Variants in ATXN7L1 observed in about 807,000 individuals in gnomAD.
ATXN7L1 encodes ataxin 7 like 1.
In ATXN7L1, 15 loss-of-function variants were observed where a neutral mutation model predicts 70.8. That is an observed-to-expected ratio of 0.21 (90% CI 0.14 to 0.33). The LOEUF is 0.33. Among genes scored for constraint, ATXN7L1 ranks in the 10% least tolerant of loss-of-function variants. The probability of loss-of-function intolerance (pLI) is 1.00; values close to 1 mark genes in which losing one functional copy is unlikely to be tolerated. For missense variants in ATXN7L1, 975 were observed against 1,097.1 expected (o/e 0.89, Z 1.57); for synonymous variants, 440 against 445.1 (o/e 0.99, Z 0.14).
intron 2 of ATXN7L1, among the ~76,000 whole-genome samples, chr7:105,872,287 T>C (rs950923032): frequency 2.6e-5 from 4 of 152,306 alleles, no homozygotes; most frequent in Admixed American, 6.5e-5. Flanking sequence ...CCACCATGCC[T>C]GGCCAAACCA....
At chr7:105,864,810 T>G (rs1817170072) in intron 2 of ATXN7L1, among the ~76,000 whole-genome samples, 1 of 151,760 alleles carries the variant, frequency 6.6e-6, no homozygotes, top group South Asian at 2.1e-4. Context: ...ATTTTTGTAT[T>G]TTTTTTAGTA....
intron 7 of ATXN7L1, among the ~76,000 whole-genome samples, chr7:105,625,706 T>C (rs1436005002): frequency 1.3e-5 from 2 of 152,150 alleles, no homozygotes; most frequent in South Asian, 2.1e-4. Context: ...GTTAAGCTTA[T>C]AAAAAAGCAA....
At chr7:105,671,216 G>C (rs1248535308) in intron 3 of ATXN7L1, among the ~76,000 whole-genome samples, 2 of 150,704 alleles carry the variant, frequency 1.3e-5, no homozygotes, top group Non-Finnish European at 2.9e-5. Context: ...CCGGGAGGCG[G>C]AGGTTGCAGT....
At chr7:105,859,562 G>A (rs1816249098) in intron 2 of ATXN7L1, among the ~76,000 whole-genome samples, 1 of 151,948 alleles carries the variant, frequency 6.6e-6, no homozygotes, top group Non-Finnish European at 1.5e-5. Context: ...TTACCATTGT[G>A]TTACAACAAT....
chr7:105,819,600 C>A, intron 2 of ATXN7L1: 2 of 912,302 alleles, frequency 2.2e-6, no homozygotes, highest in South Asian at 1.3e-5. Context: ...GGAGGTCGTA[C>A]GCTGTGAGGG....
chr7:105,750,802 C>T (rs547391028), intron 3 of ATXN7L1, among the ~76,000 whole-genome samples: 3 of 151,656 alleles, frequency 2.0e-5, no homozygotes, highest in African/African-American at 4.8e-5. Flanking sequence ...GACTCTGTCT[C>T]GAAAAAAACA....
chr7:105,735,822 A>G (rs972618), intron 3 of ATXN7L1, among the ~76,000 whole-genome samples: 31,228 of 152,038 alleles, frequency 0.21, 3,411 homozygotes, highest in East Asian at 0.33. Context: ...AGGTGGTGTG[A>G]GGTATACAGG....
chr7:105,725,481 A>G (rs1795695391), intron 3 of ATXN7L1, among the ~76,000 whole-genome samples: 1 of 152,156 alleles, frequency 6.6e-6, no homozygotes, highest in African/African-American at 2.4e-5. Flanking sequence ...GTAGTCTACA[A>G]CATTCCCCAG....
intron 2 of ATXN7L1, among the ~76,000 whole-genome samples, chr7:105,804,399 G>T (rs1807267424): frequency 6.6e-6 from 1 of 152,182 alleles, no homozygotes; most frequent in Non-Finnish European, 1.5e-5. Flanking sequence ...CCAAGGTAAG[G>T]TTCAGAACAT....
At chr7:105,875,992 T>G in intron 1 of ATXN7L1, 112 bp from the exon 2 acceptor site, 1 of 935,562 alleles carries the variant, frequency 1.1e-6, no homozygotes, top group East Asian at 2.4e-5. Flanking sequence ...ATATAAATAC[T>G]GTATATGAAA....
intron 2 of ATXN7L1, among the ~76,000 whole-genome samples, chr7:105,797,755 C>T (rs994873416): frequency 6.6e-6 from 1 of 152,218 alleles, no homozygotes; most frequent in African/African-American, 2.4e-5. Flanking sequence ...GGGAAGCCTC[C>T]CTCTCCCCTC....
At chr7:105,616,924 G>T (rs1186014294) in intron 9 of ATXN7L1, among the ~76,000 whole-genome samples, 2 of 152,168 alleles carry the variant, frequency 1.3e-5, no homozygotes, top group Admixed American at 1.3e-4. Flanking sequence ...AGAAATACAT[G>T]TGGGCAGAGG....
At chr7:105,615,584 C>T (rs758064794) in intron 9 of ATXN7L1, among the ~76,000 whole-genome samples, 2 of 152,314 alleles carry the variant, frequency 1.3e-5, no homozygotes, top group South Asian at 2.1e-4. Context: ...TCTACCTTAG[C>T]TCTTGCTCAG....
intron 2 of ATXN7L1, among the ~76,000 whole-genome samples, chr7:105,873,149 G>A (rs1030147125): frequency 6.2e-5 from 7 of 113,030 alleles, no homozygotes; most frequent in South Asian, 3.3e-4. Flanking sequence ...GCAAGACTCC[G>A]TCTCAAAAAA....
At chr7:105,833,834 A>T (rs1318441532) in intron 2 of ATXN7L1, among the ~76,000 whole-genome samples, 3 of 152,252 alleles carry the variant, frequency 2.0e-5, no homozygotes, top group African/African-American at 7.2e-5. Context: ...AGATGATAAA[A>T]CAAATATAAT....
chr7:105,619,967 A>G (rs769973602), intron 9 of ATXN7L1, among the ~76,000 whole-genome samples: 1 of 152,238 alleles, frequency 6.6e-6, no homozygotes, highest in Non-Finnish European at 1.5e-5. Flanking sequence ...GGAGATTACC[A>G]ACACAAAAAT....
At chr7:105,688,680 T>C (rs1057112475) in intron 3 of ATXN7L1, among the ~76,000 whole-genome samples, 12 of 152,238 alleles carry the variant, frequency 7.9e-5, no homozygotes, top group African/African-American at 1.9e-4. Context: ...CTCATTTCTA[T>C]TGCACCAAAA....
intron 2 of ATXN7L1, among the ~76,000 whole-genome samples, chr7:105,853,789 A>ACAAAG (rs1415761353): frequency 2.0e-5 from 3 of 152,080 alleles, no homozygotes; most frequent in Non-Finnish European, 4.4e-5. Flanking sequence ...ACAAAACAAA[A>ACAAAG]CAAAAACAAA....
intron 2 of ATXN7L1, among the ~76,000 whole-genome samples, chr7:105,861,221 G>A (rs1259649851): frequency 1.3e-5 from 2 of 152,188 alleles, no homozygotes; most frequent in African/African-American, 2.4e-5. Context: ...AAGGGACTGA[G>A]GACTTTGAAT....
Sources: allele counts gnomAD v4.1 joint callset (sites outside exome capture counted in the v4.1 genomes callset), GRCh38; gene constraint gnomAD v4.1.1; transcripts MANE v1.5; gene names NCBI Gene and HGNC (gene_info 2026-07-23, HGNC 2026-07-21).